The following CSMD1 variants were observed in gnomAD, a reference collection of about 807,000 sequenced individuals.
CSMD1 encodes the protein CUB and Sushi multiple domains 1.
A neutral mutation model predicts 417.5 loss-of-function variants in CSMD1; 213 were observed. The observed-to-expected ratio is 0.51, with a 90% confidence interval of 0.46 to 0.57. CSMD1 has a LOEUF of 0.57. CSMD1 is among the 20% of genes least tolerant of loss of function. The pLI is 0.00. For missense variants in CSMD1, 6,923 were observed against 4,529.7 expected, an observed-to-expected ratio of 1.53 and a Z score of -15.17; for synonymous variants, 2,862 against 1,736.8, an observed-to-expected ratio of 1.65 and a Z score of -16.11.
chr8:4,463,355 T>C (rs1448578195), intron 2 of CSMD1, among the ~76,000 whole-genome samples: 1 of 152,210 alleles, frequency 6.6e-6, no homozygotes, highest in Non-Finnish European at 1.5e-5. Flanking sequence ...ATGGTGCGTC[T>C]ATTTTGTAAA....
At chr8:3,881,218 C>A (rs2930341) in intron 5 of CSMD1, among the ~76,000 whole-genome samples, 3 of 151,206 alleles carry the variant, frequency 2.0e-5, no homozygotes, top group African/African-American at 7.3e-5. Flanking sequence ...AGATTCAAGT[C>A]ACTCTCAACC....
chr8:4,577,708 T>C (rs1183488437), intron 2 of CSMD1, among the ~76,000 whole-genome samples: 1 of 152,202 alleles, frequency 6.6e-6, no homozygotes, highest in African/African-American at 2.4e-5. Context: ...CAAAGTGCCC[T>C]TGCACCCTAA....
At chr8:3,662,101 G>C (rs1000032082) in intron 7 of CSMD1, among the ~76,000 whole-genome samples, 1 of 152,044 alleles carries the variant, frequency 6.6e-6, no homozygotes, top group Non-Finnish European at 1.5e-5. Context: ...ATGCTTAAAG[G>C]GACATTAGTG....
chr8:3,886,770 G>C (rs554279621), intron 5 of CSMD1, among the ~76,000 whole-genome samples: 1 of 152,134 alleles, frequency 6.6e-6, no homozygotes, highest in African/African-American at 2.4e-5. Context: ...CACAGACTTA[G>C]GGACAGATAT....
intron 11 of CSMD1, among the ~76,000 whole-genome samples, chr8:3,479,699 A>G (rs115775699): frequency 0.015 from 2,309 of 152,328 alleles, 63 homozygotes; most frequent in African/African-American, 0.051. Context: ...ATGACACACA[A>G]AAGAGCTGGG....
At chr8:3,312,861 C>G (rs1205310647) in intron 23 of CSMD1, among the ~76,000 whole-genome samples, 1 of 152,162 alleles carries the variant, frequency 6.6e-6, no homozygotes, top group Non-Finnish European at 1.5e-5. Context: ...GTTACTTTAT[C>G]CACATTCGTT....
chr8:3,130,015 A>T (rs1308008234), intron 41 of CSMD1, among the ~76,000 whole-genome samples: 1 of 152,098 alleles, frequency 6.6e-6, no homozygotes, highest in African/African-American at 2.4e-5. Context: ...AATGTTGAAT[A>T]TGGTATTAAG....
chr8:3,628,310 A>C (rs775489675), intron 7 of CSMD1, among the ~76,000 whole-genome samples: 61 of 152,246 alleles, frequency 4.0e-4, no homozygotes, highest in Admixed American at 9.8e-4. Context: ...GCCCATGCAC[A>C]CTTCTCTGGA....
chr8:3,498,918 T>C (rs534212747), intron 10 of CSMD1, among the ~76,000 whole-genome samples: 1 of 149,950 alleles, frequency 6.7e-6, no homozygotes, highest in East Asian at 1.9e-4. Flanking sequence ...TTGAATTGTC[T>C]ATTTTTATTC....
At chr8:3,519,353 G>A (rs1218982135) in intron 10 of CSMD1, among the ~76,000 whole-genome samples, 3 of 152,148 alleles carry the variant, frequency 2.0e-5, no homozygotes, top group Non-Finnish European at 4.4e-5. Context: ...TGCAGAAAAA[G>A]AAGTCAATCT....
intron 2 of CSMD1, among the ~76,000 whole-genome samples, chr8:4,459,333 C>T (rs1448027893): frequency 6.6e-6 from 1 of 152,136 alleles, no homozygotes; most frequent in African/African-American, 2.4e-5. Context: ...AGGAGCAAAC[C>T]AAGACAATCA....
chr8:4,261,103 C>A (rs1803848632), intron 3 of CSMD1, among the ~76,000 whole-genome samples: 2 of 152,094 alleles, frequency 1.3e-5, no homozygotes, highest in Non-Finnish European at 2.9e-5. Flanking sequence ...TTCTATGTGT[C>A]ATTTACACAT....
At chr8:3,369,760 A>C (rs1271530933) in intron 18 of CSMD1, among the ~76,000 whole-genome samples, 1 of 152,190 alleles carries the variant, frequency 6.6e-6, no homozygotes, top group Non-Finnish European at 1.5e-5. Flanking sequence ...TCAGACACTC[A>C]TTTTGGAAAA....
intron 5 of CSMD1, among the ~76,000 whole-genome samples, chr8:3,758,731 T>C (rs1164719856): frequency 1.3e-5 from 2 of 152,122 alleles, no homozygotes; most frequent in Non-Finnish European, 1.5e-5. Context: ...TACAGACAGA[T>C]CCCCAAGCCC....
At position 4,441,539 on chromosome 8, in the gene CSMD1, A is replaced by G. The variant is rs1161237483; in HGVS notation, c.303-21474T>C. On this transcript the variant is annotated intron_variant, in intron 2 of 69. Coordinates refer to ENST00000635120, the MANE Select transcript of CSMD1 (RefSeq NM_033225.6). ...AAATAACTTTCAATTTTCATGTGCA[A>G]AACATAGAAGCACATGAAAGCCTAT... Among the ~76,000 whole-genome samples, 6 of 152,278 alleles carry G rather than the reference A, an allele frequency of 3.9e-5. No individual in the cohort carries two copies. The South Asian group carries it at 6.2e-4, about 16-fold the overall frequency.
chr8:4,209,079 CCT>C (rs1442156502), intron 3 of CSMD1, among the ~76,000 whole-genome samples: 1 of 151,902 alleles, frequency 6.6e-6, no homozygotes, highest in African/African-American at 2.4e-5. Context: ...CTTTTTTTGT[CCT>C]CTCTTCACCC....
At chr8:4,451,871 C>T (rs907966813) in intron 2 of CSMD1, among the ~76,000 whole-genome samples, 15 of 151,594 alleles carry the variant, frequency 9.9e-5, no homozygotes, top group Non-Finnish European at 4.4e-5. Context: ...CCCTTTCAAA[C>T]CTCATGTGTT....
At chr8:4,338,782 T>C (rs992495914) in intron 3 of CSMD1, among the ~76,000 whole-genome samples, 10 of 152,102 alleles carry the variant, frequency 6.6e-5, no homozygotes, top group African/African-American at 2.2e-4. Context: ...AAATGAATCA[T>C]ATTGATATTA....
At chr8:3,913,159 C>G (rs758781045) in intron 5 of CSMD1, among the ~76,000 whole-genome samples, 1 of 151,954 alleles carries the variant, frequency 6.6e-6, no homozygotes, top group African/African-American at 2.4e-5. Flanking sequence ...CATGTTACAT[C>G]GACAGGGAGA....
Sources: gnomAD v4.1 joint callset for allele counts (sites outside exome capture counted in the v4.1 genomes callset) on GRCh38, gnomAD v4.1.1 for gene constraint, MANE v1.5 for transcripts, NCBI Gene and HGNC (gene_info 2026-07-23, HGNC 2026-07-21) for gene names.